The following UNC5C variants were observed in gnomAD, a reference collection of about 807,000 sequenced individuals.
UNC5C encodes unc-5 netrin receptor C, also known as netrin receptor UNC5C.
A neutral mutation model predicts 99.8 loss-of-function variants in UNC5C; 47 were observed. That is an observed-to-expected ratio of 0.47 (90% CI 0.37 to 0.60). The LOEUF (loss-of-function observed/expected upper bound fraction) is 0.60. UNC5C is among the 20% of genes least tolerant of loss of function. The pLI is 0.00. For synonymous variants in UNC5C, 487 were observed against 452.2 expected, an observed-to-expected ratio of 1.08 and a Z score of -0.98; for missense variants, 1,062 against 1,165.9, an observed-to-expected ratio of 0.91 and a Z score of 1.30.
chr4:95,164,200 C>T lies in UNC5C; in HGVS notation c.*5034G>A, dbSNP rs1283959305. ...AAACCCACCCAGTTCTACACAAAGC[C>T]ATCTCCCCACTTTTCAAAAATAGGT... On this transcript the variant is annotated 3_prime_UTR_variant, in exon 16 of 16. Coordinates refer to ENST00000453304, the MANE Select transcript of UNC5C (RefSeq NM_003728.4). 1 of 152,198 alleles carries T rather than the reference C, an allele frequency of 6.6e-6. No individual in the cohort carries two copies. Among genetic ancestry groups the T allele is most frequent in the Non-Finnish European group, 1.5e-5 (1 of 68,030 alleles). The allele number at this position is 152,198 out of a possible 1,614,324, so 9.4% of individuals were successfully genotyped here.
chr4:95,273,452 A>C (rs1205670597), intron 4 of UNC5C, among the ~76,000 whole-genome samples: 1 of 152,216 alleles, frequency 6.6e-6, no homozygotes, highest in Non-Finnish European at 1.5e-5. Context: ...AACATTTTCT[A>C]GGCATAAAAT....
chr4:95,168,445 A>G lies in UNC5C; in HGVS notation c.*789T>C, dbSNP rs1448568172. ...TGTAAATAATAATAATACCTTTAAAAAAAAACACTTCATATTGCATATTAC... is the reference window on the plus strand; with the variant it reads ...TGTAAATAATAATAATACCTTTAAAGAAAAACACTTCATATTGCATATTAC... On this transcript the variant is annotated 3_prime_UTR_variant, in exon 16 of 16. Coordinates refer to ENST00000453304, the MANE Select transcript of UNC5C (RefSeq NM_003728.4). The G allele has an allele frequency of 1.3e-5, 2 of 152,634 alleles. No individual in the cohort carries two copies. Among genetic ancestry groups the G allele is most frequent in the Non-Finnish European group, 2.9e-5 (2 of 68,042 alleles). The allele number at this position is 152,634 out of a possible 1,614,324, so 9.5% of individuals were successfully genotyped here.
chr4:95,299,003 G>A (rs1741772734), intron 3 of UNC5C, among the ~76,000 whole-genome samples: 1 of 152,178 alleles, frequency 6.6e-6, no homozygotes, highest in African/African-American at 2.4e-5. Flanking sequence ...TAGAAACATA[G>A]GTTGGATATG....
chr4:95,326,277 A>C (rs1742880304), intron 2 of UNC5C, among the ~76,000 whole-genome samples: 1 of 152,120 alleles, frequency 6.6e-6, no homozygotes, highest in Non-Finnish European at 1.5e-5. Context: ...TTAAAGATGA[A>C]AAAGGAAAAT....
intron 7 of UNC5C, among the ~76,000 whole-genome samples, chr4:95,223,169 A>G (rs1489392742): frequency 2.6e-5 from 4 of 152,200 alleles, no homozygotes; most frequent in Non-Finnish European, 4.4e-5. Flanking sequence ...TATGTGCAAC[A>G]CAAACTTTTT....
At chr4:95,335,703 A>G in intron 1 of UNC5C, 72 bp from the exon 2 acceptor site, 1 of 1,219,782 alleles carries the variant, frequency 8.2e-7, no homozygotes, top group Non-Finnish European at 1.1e-6. Context: ...CTAGTCATGT[A>G]AAAATAGTGA....
chr4:95,222,097 T>C (rs968115085), intron 7 of UNC5C: 10 of 646,640 alleles, frequency 1.5e-5, no homozygotes, highest in Non-Finnish European at 2.3e-5. Context: ...TAGAATATAT[T>C]AGGCTCCTAT....
At chr4:95,331,890 A>G (rs1022720848) in intron 2 of UNC5C, among the ~76,000 whole-genome samples, 12 of 152,108 alleles carry the variant, frequency 7.9e-5, no homozygotes, top group African/African-American at 2.9e-4. Context: ...TACAAAATCA[A>G]TGTACAAAAA....
intron 1 of UNC5C, among the ~76,000 whole-genome samples, chr4:95,461,803 G>A (rs553119281): frequency 6.6e-6 from 1 of 152,178 alleles, no homozygotes; most frequent in South Asian, 2.1e-4. Flanking sequence ...GATGCGTGGC[G>A]ATGATAGTGA....
At chr4:95,324,554 A>G (rs1742819160) in intron 2 of UNC5C, among the ~76,000 whole-genome samples, 1 of 152,194 alleles carries the variant, frequency 6.6e-6, no homozygotes, top group African/African-American at 2.4e-5. Context: ...CCCTCCTGCC[A>G]AAAAGGTTGG....
At chr4:95,251,587 T>C (rs1475251049) in intron 4 of UNC5C, among the ~76,000 whole-genome samples, 5 of 152,242 alleles carry the variant, frequency 3.3e-5, no homozygotes, top group African/African-American at 1.2e-4. Flanking sequence ...TGTTTTTCTA[T>C]GCACAGTTTT....
intron 4 of UNC5C, among the ~76,000 whole-genome samples, chr4:95,268,043 A>T (rs1037045655): frequency 7.0e-6 from 1 of 143,184 alleles, no homozygotes; most frequent in Admixed American, 7.4e-5. Context: ...TCCGCCTCCC[A>T]GGTTCACGCC....
chr4:95,173,247 A>C (rs1319537750), intron 14 of UNC5C, among the ~76,000 whole-genome samples: 5 of 134,454 alleles, frequency 3.7e-5, no homozygotes, highest in Admixed American at 8.2e-5. Flanking sequence ...TCTCCTGCCT[A>C]ATTGCCCTGG....
At chr4:95,175,189 C>G (rs1313464652) in intron 14 of UNC5C, among the ~76,000 whole-genome samples, 1 of 150,028 alleles carries the variant, frequency 6.7e-6, no homozygotes, top group Non-Finnish European at 1.5e-5. Flanking sequence ...GGTCTTGACT[C>G]TTTATCCAAT....
intron 4 of UNC5C, among the ~76,000 whole-genome samples, chr4:95,263,770 A>T (rs1169289051): frequency 6.6e-6 from 1 of 152,182 alleles, no homozygotes; most frequent in Non-Finnish European, 1.5e-5. Context: ...GGTTCTTGTG[A>T]GGTTTGAAAA....
chr4:95,328,040 CTTTT>C (rs34794058), intron 2 of UNC5C, among the ~76,000 whole-genome samples: 99 of 87,090 alleles, frequency 1.1e-3, no homozygotes, highest in Non-Finnish European at 1.8e-3. Flanking sequence ...CAGGCAACTT[CTTTT>C]TTTTTTTTTT....
intron 1 of UNC5C, among the ~76,000 whole-genome samples, chr4:95,416,080 T>A (rs2149454001): frequency 6.6e-6 from 1 of 152,266 alleles, no homozygotes; most frequent in East Asian, 1.9e-4. Flanking sequence ...AATACATTTA[T>A]TTGTGAATGT....
rs552271964 is a variant in UNC5C, at chr4:95,228,707, C to T, written c.1109-8531G>A. ...GAGACAAGGAAATAACAGAAGAGGG[C>T]TTGGTAGGCACCTGGCTTAATTTGT... is the stretch of plus-strand genomic sequence containing the variant. On this transcript the variant is annotated intron_variant, in intron 7 of 15. Coordinates refer to ENST00000453304, the MANE Select transcript of UNC5C (RefSeq NM_003728.4). Among the ~76,000 whole-genome samples the T allele has an allele frequency of 5.9e-5, 9 of 152,294 alleles. No homozygotes were observed. The South Asian group carries it at 8.3e-4, about 14-fold the overall frequency.
intron 12 of UNC5C, among the ~76,000 whole-genome samples, chr4:95,197,583 T>C (rs1159725956): frequency 6.6e-6 from 1 of 151,970 alleles, no homozygotes; most frequent in Non-Finnish European, 1.5e-5. Context: ...CATTGAGTGG[T>C]TAGGTCACTG....
Sources: gnomAD v4.1 joint callset for allele counts (sites outside exome capture counted in the v4.1 genomes callset) on GRCh38, gnomAD v4.1.1 for gene constraint, MANE v1.5 for transcripts, NCBI Gene and HGNC (gene_info 2026-07-23, HGNC 2026-07-21) for gene names.